ABCB11: variants seen among roughly 807,000 people sequenced by gnomAD.
ABCB11 encodes the protein ATP binding cassette subfamily B member 11.
A neutral mutation model predicts 148.0 loss-of-function variants in ABCB11; 95 were observed. The observed-to-expected ratio is 0.64, with a 90% CI of 0.54 to 0.76. The LOEUF (loss-of-function observed/expected upper bound fraction) is 0.76, where lower values mean the gene tolerates loss of function less well. Among genes scored for constraint, ABCB11 ranks in the 30% least tolerant of loss-of-function variants. The pLI, the probability that ABCB11 is intolerant of heterozygous loss-of-function variation, is 0.00. For missense variants in ABCB11, 1,523 were observed against 1,617.8 expected, an observed-to-expected ratio of 0.94 and a Z score of 1.01; for synonymous variants, 591 against 555.4, an observed-to-expected ratio of 1.06 and a Z score of -0.90.
intron 13 of ABCB11, 109 bp from the exon 14 acceptor site, chr2:168,972,159 T>G (rs1693612261): frequency 2.1e-6 from 2 of 939,442 alleles, no homozygotes; most frequent in Non-Finnish European, 3.2e-6. Flanking sequence ...GCCAATAAGA[T>G]TCTAATGGAA....
In ABCB11 at chr2:169,017,973, G is replaced by A. The variant is rs1326188896; in HGVS notation, c.76+77C>T. On this transcript the variant is annotated intron_variant, in intron 2 of 27. Transcript: ENST00000650372. The stretch of plus-strand genomic sequence containing the variant: ...TGTTGCTGATTTTTTTCTGCTCCTT[G>A]AAACTTGACCAGCTTGTCCTACTTT... 3 of 1,280,378 alleles carry A rather than the reference G, an allele frequency of 2.3e-6. No homozygotes were observed. In the African/African-American group the frequency reaches 4.4e-5, roughly 19 times the overall value. The allele number at this position is 1,280,378 out of a possible 1,614,324, so 79.3% of individuals were successfully genotyped here.
At chr2:169,013,578 T>C (rs534619499) in intron 4 of ABCB11, 68 bp from the exon 5 acceptor site, 679 of 1,289,444 alleles carry the variant, frequency 5.3e-4, no homozygotes, top group Non-Finnish European at 6.8e-4. Context: ...GACTACTTAA[T>C]TTAGTTACTA....
At position 168,990,819 on chromosome 2, in the gene ABCB11, T is replaced by C. The variant is rs11568372; in HGVS notation, c.890A>G (p.Glu297Gly). ...SMRTVAAFGG[E>G]KREVERYEKN... ...AACCAACCTTTCAACCTCTCTTTTC[T>C]CACCACCAAAAGCAGCCACTGTTCT... Residue 297 changes from glutamate (E) to glycine (G), a missense_variant, in exon 9 of 28, where the codon GAG becomes GGG. Transcript: ENST00000650372. The C allele has an allele frequency of 2.7e-4, 428 of 1,613,006 alleles. No individual in the cohort carries two copies. The highest frequency in any genetic ancestry group is 3.4e-4 in the Non-Finnish European group (399 of 1,179,338).
At chr2:168,927,728 G>A (rs1207560700) in intron 25 of ABCB11, among the ~76,000 whole-genome samples, 1 of 152,124 alleles carries the variant, frequency 6.6e-6, no homozygotes, top group Non-Finnish European at 1.5e-5. Context: ...CATGAGTTAT[G>A]GAAAGGATTT....
At chr2:169,025,487 C>T (rs566904918) in intron 1 of ABCB11, among the ~76,000 whole-genome samples, 18 of 152,220 alleles carry the variant, frequency 1.2e-4, no homozygotes, top group East Asian at 3.9e-4. Context: ...GCTTAAAGAC[C>T]GAGTCCTCCC....
chr2:168,985,396 G>T (rs999596712), intron 10 of ABCB11, among the ~76,000 whole-genome samples: 1 of 152,056 alleles, frequency 6.6e-6, no homozygotes, highest in East Asian at 1.9e-4. Context: ...CCACTACTGG[G>T]TATCTACCCA....
Position 168,958,117 on chromosome 2 carries a change from A to C in ABCB11, c.2190T>G (p.Ile730Met). ...TYEEDRKDKDIPVQEEVEPAP... is the reference protein window; with the variant it reads ...TYEEDRKDKDMPVQEEVEPAP... ...CAGGTTCAACTTCTTCCTGCACAGG[A>C]ATGTCCTTGTCCTTGAGCAGAGAGA... The change falls in exon 19 of 28, where the codon ATT becomes ATG. Residue 730 changes from isoleucine to methionine, a missense_variant. Physicochemically the swap from Ile to Met is conservative, Grantham distance 10 (BLOSUM62 1). Transcript: ENST00000650372. 6.2e-7 allele frequency: 1 copy of C among 1,610,914 alleles called. No individual in the cohort carries two copies. The highest frequency in any genetic ancestry group is 1.3e-5 in the African/African-American group (1 of 74,804).
intron 19 of ABCB11, among the ~76,000 whole-genome samples, chr2:168,951,441 T>C (rs1260750014): frequency 1.3e-5 from 2 of 151,712 alleles, no homozygotes; most frequent in Non-Finnish European, 3.0e-5. Flanking sequence ...ATCAGTGTTT[T>C]GTGGTCCTCC....
intron 13 of ABCB11, 103 bp downstream of exon 13, chr2:168,973,611 GC>G: frequency 1.4e-6 from 2 of 1,397,118 alleles, no homozygotes; most frequent in Non-Finnish European, 2.0e-6. Flanking sequence ...AACTATGCAT[GC>G]CAGGACAGTC....
In ABCB11 at chr2:168,990,788, C is replaced by T. The variant is rs1003926081; in HGVS notation, c.908+13G>A. 6 of 1,612,408 alleles carry T rather than the reference C, an allele frequency of 3.7e-6. No individual in the cohort carries two copies. Among genetic ancestry groups the T allele is most frequent in the South Asian group, 3.3e-5 (3 of 91,034 alleles). On this transcript the variant is annotated intron_variant, in intron 9 of 27. Transcript: ENST00000650372. ...ATGAAATTAAGGAAAGAATCAGATTCCAATTAACCAACCTTTCAACCTCTC... is the reference window on the plus strand; with the variant it reads ...ATGAAATTAAGGAAAGAATCAGATTTCAATTAACCAACCTTTCAACCTCTC...
chr2:168,975,344 T>TATATTTAA (rs1693804657), intron 12 of ABCB11, among the ~76,000 whole-genome samples: 1 of 49,492 alleles, frequency 2.0e-5, no homozygotes, highest in Non-Finnish European at 3.7e-5. Context: ...TAAATATTTT[T>TATATTTAA]ATATTTATAG....
chr2:169,013,984 A>T (rs1695275795), intron 4 of ABCB11, among the ~76,000 whole-genome samples: 1 of 152,182 alleles, frequency 6.6e-6, no homozygotes, highest in African/African-American at 2.4e-5. Flanking sequence ...ATACTTTAAA[A>T]TTTCTAAAGA....
chr2:168,979,735 G>T (rs1241978846), intron 11 of ABCB11, 131 bp downstream of exon 11: 5 of 362,110 alleles, frequency 1.4e-5, no homozygotes, highest in Non-Finnish European at 1.6e-5. Context: ...TTTAATAAGT[G>T]TTGCTGAATT....
chr2:168,938,661 T>C (rs1176712795), intron 21 of ABCB11, among the ~76,000 whole-genome samples: 1 of 152,154 alleles, frequency 6.6e-6, no homozygotes. Context: ...CACTTAAAGA[T>C]GGTTAAAGTA....
chr2:168,956,611 G>T (rs377318879), intron 19 of ABCB11, among the ~76,000 whole-genome samples: 24 of 151,646 alleles, frequency 1.6e-4, no homozygotes, highest in Non-Finnish European at 3.0e-4. Context: ...GGATCCTCCC[G>T]GGGGTGATGG....
chr2:168,984,522 T>TCTA (rs1037129375), intron 10 of ABCB11, among the ~76,000 whole-genome samples: 1 of 152,154 alleles, frequency 6.6e-6, no homozygotes, highest in Non-Finnish European at 1.5e-5. Flanking sequence ...TAGCACCTGT[T>TCTA]CAGTTAAGGC....
intron 21 of ABCB11, among the ~76,000 whole-genome samples, chr2:168,942,442 T>C (rs1692106016): frequency 6.6e-6 from 1 of 151,702 alleles, no homozygotes; most frequent in Non-Finnish European, 1.5e-5. Flanking sequence ...GAAAAATTAG[T>C]GTGCAGGGAT....
intron 18 of ABCB11, among the ~76,000 whole-genome samples, chr2:168,958,742 C>T (rs1023127197): frequency 1.3e-5 from 2 of 151,640 alleles, no homozygotes; most frequent in African/African-American, 4.8e-5. Context: ...ATCAGCATTT[C>T]TCTTTAGTTG....
chr2:168,936,718 A>G (rs1040217545), intron 21 of ABCB11, among the ~76,000 whole-genome samples: 78 of 152,140 alleles, frequency 5.1e-4, no homozygotes, highest in African/African-American at 1.6e-3. Flanking sequence ...GGTGACTTCT[A>G]TTCTAACTCT....
Sources: gnomAD v4.1 joint callset for allele counts (sites outside exome capture counted in the v4.1 genomes callset) on GRCh38, gnomAD v4.1.1 for gene constraint, MANE v1.5 for transcripts, NCBI Gene and HGNC (gene_info 2026-07-23, HGNC 2026-07-21) for gene names.